Variants in CELF2 observed in about 807,000 individuals in gnomAD.
CELF2 encodes the protein CUG triplet repeat RNA-binding protein 2.
A neutral mutation model predicts 62.6 loss-of-function variants in CELF2; 8 were observed. The ratio of observed to expected loss-of-function variants is 0.13; its 90% confidence interval spans 0.07 to 0.23. CELF2 has a LOEUF of 0.23. CELF2 is among the 10% of genes least tolerant of loss of function. The probability of loss-of-function intolerance (pLI) is 1.00; values close to 1 mark genes in which losing one functional copy is unlikely to be tolerated. For synonymous variants in CELF2, 258 were observed against 250.0 expected, an observed-to-expected ratio of 1.03 and a Z score of -0.30; for missense variants, 333 against 671.0, an observed-to-expected ratio of 0.50 and a Z score of 5.56.
the CELF2 span, among the ~76,000 whole-genome samples, chr10:10,677,123 G>T: frequency 6.6e-6 from 1 of 152,200 alleles, no homozygotes; most frequent in Non-Finnish European, 1.5e-5. Flanking sequence ...TCTGCAGAGA[G>T]AAATCAGCCA....
At chr10:10,987,096 C>G (rs2052849844) in intron 2 of CELF2, among the ~76,000 whole-genome samples, 1 of 152,180 alleles carries the variant, frequency 6.6e-6, no homozygotes, top group South Asian at 2.1e-4. Flanking sequence ...TCAATTGCAT[C>G]CTACTACTTG....
the CELF2 span, among the ~76,000 whole-genome samples, chr10:10,779,678 G>A: frequency 6.6e-6 from 1 of 152,110 alleles, no homozygotes; most frequent in African/African-American, 2.4e-5. Flanking sequence ...GATGCTCATG[G>A]CCTCATCTCA....
intron 2 of CELF2, among the ~76,000 whole-genome samples, chr10:11,176,425 GAT>G (rs1390626862): frequency 6.6e-5 from 10 of 152,152 alleles, no homozygotes; most frequent in African/African-American, 2.4e-4. Context: ...CTACCTGATG[GAT>G]CAAAATCCCC....
At chr10:10,721,475 A>C in the CELF2 span, among the ~76,000 whole-genome samples, 1 of 152,332 alleles carries the variant, frequency 6.6e-6, no homozygotes, top group African/African-American at 2.4e-5. Context: ...ACCAAGTGGA[A>C]GTTTTGGAAC....
intron 1 of CELF2, among the ~76,000 whole-genome samples, chr10:11,137,757 C>A (rs574844960): frequency 6.6e-6 from 1 of 152,322 alleles, no homozygotes; most frequent in African/African-American, 2.4e-5. Context: ...AACTTACTGT[C>A]CTTTTTAAAT....
the CELF2 span, among the ~76,000 whole-genome samples, chr10:10,717,375 T>C: frequency 2.6e-5 from 4 of 151,460 alleles, no homozygotes; most frequent in Non-Finnish European, 4.4e-5. Flanking sequence ...CAATGAAACT[T>C]ATTAAAAAAA....
chr10:10,796,917 TTTTAA>T, upstream of CELF2: 1 of 984,446 alleles, frequency 1.0e-6, no homozygotes, highest in Non-Finnish European at 1.2e-6. Flanking sequence ...TGAAATTCTC[TTTTAA>T]TTTTAGTCTA....
At chr10:10,770,981 C>T in the CELF2 span, among the ~76,000 whole-genome samples, 247 of 152,292 alleles carry the variant, frequency 1.6e-3, no homozygotes, top group African/African-American at 5.8e-3. Flanking sequence ...GGAATGAGCA[C>T]TGGGCGTTCA....
chr10:11,015,207 T>A (rs2057082191), upstream of CELF2, among the ~76,000 whole-genome samples: 1 of 152,192 alleles, frequency 6.6e-6, no homozygotes, highest in African/African-American at 2.4e-5. This position sits in a 1 kb window ranked among gnomAD's most constrained non-coding sequence, Gnocchi z 4.8. Flanking sequence ...GTTTTTAGAT[T>A]TTTTTTCTTC....
At position 11,335,499 on chromosome 10, in the gene CELF2, G is replaced by T. The variant is rs2096102567; in HGVS notation, c.*6446G>T. 6.6e-6 allele frequency: 1 copy of T among 152,248 alleles called. No homozygotes were observed. The highest frequency in any genetic ancestry group is 1.5e-5 in the Non-Finnish European group (1 of 68,090). 9.4% of individuals were successfully genotyped at this position (152,248 alleles called of 1,614,324 possible). ...TTTCTAGTCTGCTCAAGAACAGAGG[G>T]GCCTGGCGAGGTGGAGGAAGGGAGG... is the stretch of plus-strand genomic sequence containing the variant. On this transcript the variant is annotated 3_prime_UTR_variant, in exon 13 of 13. Coordinates refer to ENST00000633077, the MANE Select transcript of CELF2 (RefSeq NM_001326342.2). This position sits in a 1 kb window ranked among gnomAD's most constrained non-coding sequence, Gnocchi z 5.0.
intron 1 of CELF2, among the ~76,000 whole-genome samples, chr10:11,131,103 G>A (rs2059559141): frequency 6.6e-6 from 1 of 152,220 alleles, no homozygotes; most frequent in Non-Finnish European, 1.5e-5. Flanking sequence ...ATACTTGATA[G>A]CAATACACCT....
chr10:11,278,629 A>G (rs12357858), intron 8 of CELF2, among the ~76,000 whole-genome samples: 73,456 of 152,064 alleles, frequency 0.48, 19,265 homozygotes, highest in Non-Finnish European at 0.6. Flanking sequence ...TTTTGTTTTT[A>G]ACAAAGCTCC....
chr10:11,329,291 G>C lies in CELF2; in HGVS notation c.*238G>C. The C allele has an allele frequency of 3.1e-6, 1 of 322,200 alleles. No individual in the cohort carries two copies. The highest frequency in any genetic ancestry group is 1.3e-4 in the South Asian group (1 of 7,978). The allele number at this position is 322,200 out of a possible 1,614,324, so 20.0% of individuals were successfully genotyped here. A position where few individuals can be genotyped will look rare whatever the true frequency, so the allele number is the denominator to read the frequency against. On this transcript the variant is annotated 3_prime_UTR_variant, in exon 13 of 13. Transcript: ENST00000633077. This position sits in a 1 kb window ranked among gnomAD's most constrained non-coding sequence, Gnocchi z 5.5. The stretch of plus-strand genomic sequence containing the variant: ...TAATTCCTCCTCCAGTTGTGCCACT[G>C]TATTCTCCTTTGTTTTGCGATTTGA...
chr10:10,782,137 T>A, the CELF2 span, among the ~76,000 whole-genome samples: 1 of 152,150 alleles, frequency 6.6e-6, no homozygotes, highest in Admixed American at 6.5e-5. Context: ...CTGGAACTAA[T>A]CCCCTGTGGA....
At chr10:10,952,564 T>G (rs2048439599) in intron 2 of CELF2, among the ~76,000 whole-genome samples, 1 of 152,036 alleles carries the variant, frequency 6.6e-6, no homozygotes, top group Non-Finnish European at 1.5e-5. Context: ...AGTCCCAGAG[T>G]CTCCACAGGG....
chr10:10,964,818 T>C (rs1245936886), intron 2 of CELF2, among the ~76,000 whole-genome samples: 1 of 152,224 alleles, frequency 6.6e-6, no homozygotes, highest in Non-Finnish European at 1.5e-5. Flanking sequence ...ATCTAACTTT[T>C]ATATAACATT....
intron 1 of CELF2, among the ~76,000 whole-genome samples, chr10:11,079,791 A>G (rs1237942974): frequency 7.0e-6 from 1 of 143,152 alleles, no homozygotes; most frequent in African/African-American, 2.5e-5. Context: ...AGATGAAAAG[A>G]GAAGTTGTCA....
At chr10:10,592,800 C>T in the CELF2 span, among the ~76,000 whole-genome samples, 2,176 of 152,186 alleles carry the variant, frequency 0.014, 87 homozygotes, top group Admixed American at 0.077. Flanking sequence ...GGGAAGAAAG[C>T]ATGGGGGCGT....
At chr10:10,686,795 T>C in the CELF2 span, among the ~76,000 whole-genome samples, 1 of 152,176 alleles carries the variant, frequency 6.6e-6, no homozygotes, top group African/African-American at 2.4e-5. Context: ...CAGATGTGTC[T>C]TCATAGCAGC....
Sources: allele counts gnomAD v4.1 joint callset (sites outside exome capture counted in the v4.1 genomes callset), GRCh38; gene constraint gnomAD v4.1.1; non-coding constraint Gnocchi (gnomAD v3.1); transcripts MANE v1.5; gene names NCBI Gene and HGNC (gene_info 2026-07-23, HGNC 2026-07-21).